Variants in ANKRD17 observed in about 807,000 individuals in gnomAD.
ANKRD17 encodes ankyrin repeat domain-containing protein 17.
In ANKRD17, 19 loss-of-function variants were observed where a neutral mutation model predicts 229.7. The ratio of observed to expected loss-of-function variants is 0.08; its 90% CI spans 0.06 to 0.12. ANKRD17 has a LOEUF of 0.12. ANKRD17 is among the 10% of genes least tolerant of loss of function. ANKRD17 has a pLI of 1.00. For missense variants in ANKRD17, 2,176 were observed against 3,176.8 expected, an observed-to-expected ratio of 0.68 and a Z score of 7.57; for synonymous variants, 1,112 against 1,146.1, an observed-to-expected ratio of 0.97 and a Z score of 0.60.
chr4:73,076,425 C>T, intron 33 of ANKRD17, 135 bp from the exon 34 acceptor site: 1 of 555,874 alleles, frequency 1.8e-6, no homozygotes, highest in Non-Finnish European at 2.8e-6. Context: ...ATGATAAAAA[C>T]CTTTTTTCTA....
intron 1 of ANKRD17, among the ~76,000 whole-genome samples, chr4:73,205,527 C>T (rs991817752): frequency 6.6e-6 from 1 of 151,992 alleles, no homozygotes; most frequent in African/African-American, 2.4e-5. Context: ...GCTGGGAGAA[C>T]TAGATACTGA....
chr4:73,143,818 A>G (rs1022366208), intron 11 of ANKRD17, among the ~76,000 whole-genome samples: 1 of 152,012 alleles, frequency 6.6e-6, no homozygotes, highest in African/African-American at 2.4e-5. Context: ...ATAGCTCACT[A>G]TAATCTTGAA....
chr4:73,180,719 CCCT>C (rs1240169041), intron 1 of ANKRD17, among the ~76,000 whole-genome samples: 2 of 152,128 alleles, frequency 1.3e-5, no homozygotes, highest in African/African-American at 4.8e-5. Flanking sequence ...TCCTCCCTAT[CCCT>C]CATTTATGAT....
chr4:73,126,925 C>T (rs977959602), intron 16 of ANKRD17, among the ~76,000 whole-genome samples: 1 of 152,028 alleles, frequency 6.6e-6, no homozygotes, highest in African/African-American at 2.4e-5. Context: ...CTACAAGCAA[C>T]ATGTGACTAT....
intron 1 of ANKRD17, among the ~76,000 whole-genome samples, chr4:73,195,949 G>GT (rs1560701890): frequency 6.7e-6 from 1 of 150,322 alleles, no homozygotes; most frequent in Non-Finnish European, 1.5e-5. Flanking sequence ...CTCTCCCTCT[G>GT]TTAGTATGAT....
At chr4:73,143,468 G>A (rs1729856714) in intron 11 of ANKRD17, among the ~76,000 whole-genome samples, 1 of 152,102 alleles carries the variant, frequency 6.6e-6, no homozygotes, top group African/African-American at 2.4e-5. Flanking sequence ...GGTAATGTGA[G>A]AAATGGAAAT....
chr4:73,249,089 A>G (rs758594233), intron 1 of ANKRD17, among the ~76,000 whole-genome samples: 13 of 152,220 alleles, frequency 8.5e-5, no homozygotes, highest in Non-Finnish European at 7.3e-5. Flanking sequence ...ATAGATCTCT[A>G]TGGTAACATA....
chr4:73,230,486 A>C (rs1324073507), intron 1 of ANKRD17, among the ~76,000 whole-genome samples: 2 of 152,196 alleles, frequency 1.3e-5, no homozygotes, highest in African/African-American at 4.8e-5. Flanking sequence ...TGGAGACAGA[A>C]TGGCAAATAA....
At chr4:73,119,697 A>T (rs971758443) in intron 21 of ANKRD17, among the ~76,000 whole-genome samples, 8 of 152,210 alleles carry the variant, frequency 5.3e-5, no homozygotes, top group African/African-American at 1.9e-4. Flanking sequence ...ATCTTTGGAA[A>T]ACTAGCAGGC....
At chr4:73,206,772 G>C (rs938941651) in intron 1 of ANKRD17, among the ~76,000 whole-genome samples, 1 of 152,166 alleles carries the variant, frequency 6.6e-6, no homozygotes, top group Non-Finnish European at 1.5e-5. Context: ...TTACAGCATG[G>C]TAACTAGAGT....
intron 1 of ANKRD17, among the ~76,000 whole-genome samples, chr4:73,235,750 A>C (rs1479763416): frequency 6.6e-6 from 1 of 152,212 alleles, no homozygotes; most frequent in African/African-American, 2.4e-5. Flanking sequence ...GAGGGAAAAA[A>C]GGCAGATATA....
chr4:73,138,307 G>A (rs1480664969), intron 15 of ANKRD17, among the ~76,000 whole-genome samples: 1 of 152,036 alleles, frequency 6.6e-6, no homozygotes, highest in Non-Finnish European at 1.5e-5. Context: ...TTTTTCCAAT[G>A]TGGTTATTTA....
intron 11 of ANKRD17, among the ~76,000 whole-genome samples, chr4:73,144,060 G>A (rs951815328): frequency 6.6e-6 from 1 of 152,076 alleles, no homozygotes; most frequent in Non-Finnish European, 1.5e-5. Flanking sequence ...TTTTATCAAT[G>A]CAGAATCAAA....
chr4:73,087,776 T>C (rs1722348889), intron 29 of ANKRD17, among the ~76,000 whole-genome samples: 1 of 152,142 alleles, frequency 6.6e-6, no homozygotes, highest in African/African-American at 2.4e-5. Context: ...CATATCAAAG[T>C]ATTTAGGGGT....
At chr4:73,198,197 T>C (rs964159942) in intron 1 of ANKRD17, among the ~76,000 whole-genome samples, 4 of 152,152 alleles carry the variant, frequency 2.6e-5, no homozygotes, top group Admixed American at 2.6e-4. Flanking sequence ...ATAGAAGCAT[T>C]AAATACAGAA....
At chr4:73,135,700 T>G (rs1463238707) in intron 15 of ANKRD17, among the ~76,000 whole-genome samples, 7 of 152,184 alleles carry the variant, frequency 4.6e-5, no homozygotes, top group Non-Finnish European at 1.0e-4. Flanking sequence ...ACTAGTAAAA[T>G]TAATATCACT....
intron 1 of ANKRD17, among the ~76,000 whole-genome samples, chr4:73,248,159 A>G (rs1744669615): frequency 6.6e-6 from 1 of 152,026 alleles, no homozygotes. Flanking sequence ...AGGTAAAATT[A>G]GAATGGATGA....
chr4:73,219,279 G>A (rs1423975033), intron 1 of ANKRD17, among the ~76,000 whole-genome samples: 2 of 152,006 alleles, frequency 1.3e-5, no homozygotes, highest in African/African-American at 4.8e-5. Context: ...AGACTTACTG[G>A]TATAGTATAG....
intron 24 of ANKRD17, chr4:73,104,042 G>GC (rs1294692272): frequency 1.3e-5 from 2 of 152,140 alleles, no homozygotes; most frequent in African/African-American, 4.8e-5. Flanking sequence ...CCTGAAAAGG[G>GC]CAACAGTGAA....
Sources: gnomAD v4.1 joint callset for allele counts (sites outside exome capture counted in the v4.1 genomes callset) on GRCh38, gnomAD v4.1.1 for gene constraint, MANE v1.5 for transcripts, NCBI Gene and HGNC (gene_info 2026-07-23, HGNC 2026-07-21) for gene names.